Variants in NIBAN1 observed in about 807,000 individuals in gnomAD.
NIBAN1 encodes the protein protein Niban 1.
Under a neutral mutation model 75.1 loss-of-function variants are expected in NIBAN1, and 81 were observed. That is an observed-to-expected ratio of 1.08 (90% CI 0.90 to 1.30). The LOEUF (loss-of-function observed/expected upper bound fraction) is 1.30, where lower values mean the gene tolerates loss of function less well. Ranked by LOEUF, NIBAN1 falls within the 50% of genes most tolerant of loss-of-function variation. The pLI is 0.00. For missense variants in NIBAN1, 1,133 were observed against 1,128.1 expected (o/e 1.00, Z -0.06); for synonymous variants, 436 against 424.8 (o/e 1.03, Z -0.32).
intron 3 of NIBAN1, among the ~76,000 whole-genome samples, chr1:184,890,520 A>T (rs1656641198): frequency 6.6e-6 from 1 of 152,234 alleles, no homozygotes; most frequent in Admixed American, 6.5e-5. Flanking sequence ...TAACCCTGAA[A>T]GTCTGCACCA....
intron 1 of NIBAN1, among the ~76,000 whole-genome samples, chr1:184,966,065 T>G (rs1290422611): frequency 6.6e-6 from 1 of 152,208 alleles, no homozygotes; most frequent in Non-Finnish European, 1.5e-5. Context: ...AGTTGGGTGA[T>G]GAAACCATAA....
intron 5 of NIBAN1, among the ~76,000 whole-genome samples, chr1:184,859,033 T>C (rs1305828352): frequency 6.6e-6 from 1 of 151,916 alleles, no homozygotes; most frequent in African/African-American, 2.4e-5. Flanking sequence ...GAAAGATACA[T>C]ACAGGAATTT....
Position 184,949,125 on chromosome 1 carries a change from G to A in NIBAN1, c.55+25177C>T, listed in dbSNP as rs576872896. Among the ~76,000 whole-genome samples, 11 of 152,166 alleles carry A rather than the reference G, an allele frequency of 7.2e-5. No individual in the cohort carries two copies. In the East Asian group the frequency reaches 9.6e-4, roughly 13 times the overall value. On this transcript the variant is annotated intron_variant, in intron 1 of 13. Coordinates refer to ENST00000367511, the MANE Select transcript of NIBAN1 (RefSeq NM_052966.4). ...ATTCAGCACTTTGGGAGGCCGAGGC[G>A]GGCGGATCATGAGGTCAGAAGATAG... is the stretch of plus-strand genomic sequence containing the variant.
chr1:184,924,214 T>A (rs1251833391), intron 1 of NIBAN1, among the ~76,000 whole-genome samples: 2 of 152,174 alleles, frequency 1.3e-5, no homozygotes, highest in African/African-American at 2.4e-5. Context: ...TGTTGAGGTA[T>A]GTCTCTTTTA....
chr1:184,881,798 T>A (rs1363368079), intron 5 of NIBAN1, among the ~76,000 whole-genome samples: 1 of 152,184 alleles, frequency 6.6e-6, no homozygotes, highest in Non-Finnish European at 1.5e-5. Context: ...GCAGTGAGGA[T>A]GACCAGAGGT....
At chr1:184,838,328 T>C (rs1191709049) in intron 5 of NIBAN1, among the ~76,000 whole-genome samples, 1 of 152,178 alleles carries the variant, frequency 6.6e-6, no homozygotes, top group African/African-American at 2.4e-5. Flanking sequence ...TATACCACAG[T>C]ATCATCTGAA....
Position 184,886,363 on chromosome 1 carries a change from G to A in NIBAN1, c.434-1563C>T, listed in dbSNP as rs549743407. On this transcript the variant is annotated intron_variant, in intron 4 of 13. Transcript: ENST00000367511. ...AGAACCACTGCTACCCACTGTGAACGTCTAGAGATGCAGACTGCATCTTCC... is the reference window on the plus strand; with the variant it reads ...AGAACCACTGCTACCCACTGTGAACATCTAGAGATGCAGACTGCATCTTCC... Among the ~76,000 whole-genome samples the A allele has an allele frequency of 7.2e-5, 11 of 152,324 alleles. No individual in the cohort carries two copies. The South Asian group carries it at 1.0e-3, about 14-fold the overall frequency.
chr1:184,808,106 C>T lies in NIBAN1; in HGVS notation c.1303G>A (p.Val435Met). 6.2e-7 allele frequency: 1 copy of T among 1,614,028 alleles called. No homozygotes were observed. Among genetic ancestry groups the T allele is most frequent in the South Asian group, 1.1e-5 (1 of 91,072 alleles). ...ATGTAGTTCTGTGTCCTCTGAACCACCAGATCAATGTGGGGGAATCTGAAG... is the reference window on the plus strand; with the variant it reads ...ATGTAGTTCTGTGTCCTCTGAACCATCAGATCAATGTGGGGGAATCTGAAG... ...SRFRFPHIDLVVQRTQNYMQE... is the reference protein window; with the variant it reads ...SRFRFPHIDLMVQRTQNYMQE... The change falls in exon 10 of 14, where the codon GTG (valine) becomes ATG (methionine). Residue 435 changes from valine (V) to methionine (M), a missense_variant. By Grantham distance (21) the Val-to-Met change is conservative (BLOSUM62 1). Transcript: ENST00000367511.
chr1:184,864,740 A>T (rs1217339570), intron 5 of NIBAN1, among the ~76,000 whole-genome samples: 1 of 152,160 alleles, frequency 6.6e-6, no homozygotes, highest in Non-Finnish European at 1.5e-5. Flanking sequence ...TTAATTGAAC[A>T]AGCAAAAAAC....
chr1:184,792,301 T>A lies in NIBAN1; in HGVS notation c.*2676A>T, dbSNP rs1653719892. On this transcript the variant is annotated 3_prime_UTR_variant, in exon 14 of 14. Transcript: ENST00000367511. ...TTCTTTGATTATATTCTGGAGTACA[T>A]CCTGCCAAATAGTGCCCAGTCCTCC... 6.6e-6 allele frequency: 1 copy of A among 152,220 alleles called. No homozygotes were observed. The highest frequency in any genetic ancestry group is 2.4e-5 in the African/African-American group (1 of 41,438). The allele number at this position is 152,220 out of a possible 1,614,324, so 9.4% of individuals were successfully genotyped here.
At chr1:184,825,123 C>A (rs1654809383) in intron 6 of NIBAN1, among the ~76,000 whole-genome samples, 1 of 152,158 alleles carries the variant, frequency 6.6e-6, no homozygotes. Context: ...ACAGCAGTTC[C>A]TTTTTTAGAT....
intron 5 of NIBAN1, among the ~76,000 whole-genome samples, chr1:184,880,954 T>C (rs900452050): frequency 1.3e-5 from 2 of 152,196 alleles, no homozygotes; most frequent in Non-Finnish European, 2.9e-5. Context: ...GATCATACTA[T>C]ACAGTTGGCT....
chr1:184,957,188 T>C (rs1388789263), intron 1 of NIBAN1, among the ~76,000 whole-genome samples: 1 of 152,242 alleles, frequency 6.6e-6, no homozygotes, highest in Non-Finnish European at 1.5e-5. Context: ...AGCTGGCTCC[T>C]AGCACAGCAC....
Position 184,791,993 on chromosome 1 carries a change from G to A in NIBAN1, c.*2984C>T, listed in dbSNP as rs1272933723. ...TTTTTTTGAGACAGGGTCTCATTTT[G>A]TTGCCCAAGCTGGAGTGCAGTGGTA... On this transcript the variant is annotated 3_prime_UTR_variant, in exon 14 of 14. Coordinates refer to ENST00000367511, the MANE Select transcript of NIBAN1 (RefSeq NM_052966.4). 6.9e-6 allele frequency: 1 copy of A among 144,388 alleles called. No individual in the cohort carries two copies. The highest frequency in any genetic ancestry group is 2.6e-5 in the African/African-American group (1 of 38,938). 8.9% of individuals were successfully genotyped at this position (144,388 alleles called of 1,614,324 possible).
At chr1:184,947,416 G>A (rs1308363834) in intron 1 of NIBAN1, among the ~76,000 whole-genome samples, 2 of 152,170 alleles carry the variant, frequency 1.3e-5, no homozygotes, top group African/African-American at 4.8e-5. Context: ...TATTTAATGA[G>A]CACAAAGTTT....
intron 5 of NIBAN1, among the ~76,000 whole-genome samples, chr1:184,882,918 T>G (rs1002892241): frequency 6.6e-6 from 1 of 152,210 alleles, no homozygotes; most frequent in Non-Finnish European, 1.5e-5. Flanking sequence ...GGCAAGATTT[T>G]AATAAGGGTA....
At position 184,974,474 on chromosome 1, in the gene NIBAN1, A is replaced by G; in HGVS notation, c.-118T>C. On this transcript the variant is annotated 5_prime_UTR_variant, in exon 1 of 14. Transcript: ENST00000367511. ...AAATTAAGAGCAAACTTCCTTCGAG[A>G]GGCGAGAGACAGGAGGCAAGAGGCG... 7.4e-7 allele frequency: 1 copy of G among 1,356,546 alleles called. No homozygotes were observed. The allele number at this position is 1,356,546 out of a possible 1,614,324, so 84.0% of individuals were successfully genotyped here.
chr1:184,909,711 C>CCACT (rs1657191651), intron 1 of NIBAN1, among the ~76,000 whole-genome samples: 1 of 152,042 alleles, frequency 6.6e-6, no homozygotes, highest in Non-Finnish European at 1.5e-5. Context: ...TGGTTTTGAC[C>CCACT]CACTGTCCAC....
intron 1 of NIBAN1, among the ~76,000 whole-genome samples, chr1:184,954,597 G>A (rs967860734): frequency 6.6e-6 from 1 of 152,148 alleles, no homozygotes. Flanking sequence ...TTATACTTAA[G>A]TTTTAAGTCT....
Sources: allele counts gnomAD v4.1 joint callset (sites outside exome capture counted in the v4.1 genomes callset), GRCh38; gene constraint gnomAD v4.1.1; transcripts MANE v1.5; gene names NCBI Gene and HGNC (gene_info 2026-07-23, HGNC 2026-07-21).